Variants in GABRA2 observed in about 807,000 individuals in gnomAD.
GABRA2 encodes the protein gamma-aminobutyric acid receptor subunit alpha-2.
Under a neutral mutation model 48.7 loss-of-function variants are expected in GABRA2, and 16 were observed. The ratio of observed to expected loss-of-function variants is 0.33; its 90% CI spans 0.22 to 0.50. The LOEUF is 0.50. GABRA2 is among the 20% of genes least tolerant of loss of function. GABRA2 has a pLI of 0.98. For missense variants in GABRA2, 275 were observed against 535.6 expected (o/e 0.51, Z 4.80); for synonymous variants, 185 against 184.5 (o/e 1.00, Z -0.02).
At chr4:46,364,038 C>T (rs1713651252) in intron 3 of GABRA2, 1 of 152,152 alleles carries the variant, frequency 6.6e-6, no homozygotes. Flanking sequence ...AGTGTCACAT[C>T]AATGCCATAT....
At chr4:46,254,306 T>C (rs1715384878) in intron 9 of GABRA2, among the ~76,000 whole-genome samples, 1 of 151,574 alleles carries the variant, frequency 6.6e-6, no homozygotes, top group Non-Finnish European at 1.5e-5. Flanking sequence ...AATGTAACTT[T>C]TAGCTTACAC....
At chr4:46,305,541 G>C in intron 7 of GABRA2, 27 bp downstream of exon 7, 1 of 1,603,254 alleles carries the variant, frequency 6.2e-7, no homozygotes, top group African/African-American at 1.3e-5. Flanking sequence ...TTAGGCACCA[G>C]CTTTTTTAAA....
chr4:46,304,917 C>T (rs1181435874), intron 7 of GABRA2, among the ~76,000 whole-genome samples: 2 of 99,328 alleles, frequency 2.0e-5, no homozygotes, highest in Admixed American at 1.3e-4. Flanking sequence ...GAGCAAGACT[C>T]TGTCTCAAAA....
intron 8 of GABRA2, among the ~76,000 whole-genome samples, chr4:46,302,277 T>TCTCCA (rs1725883865): frequency 1.3e-5 from 2 of 151,986 alleles, no homozygotes; most frequent in African/African-American, 4.8e-5. Flanking sequence ...CCCAGACTGG[T>TCTCCA]CTCCAACTCC....
intron 4 of GABRA2, among the ~76,000 whole-genome samples, chr4:46,332,315 A>G (rs1731502952): frequency 6.6e-6 from 1 of 152,114 alleles, no homozygotes; most frequent in African/African-American, 2.4e-5. Flanking sequence ...ATTCTGCCTT[A>G]ATCCTCCTAG....
chr4:46,313,926 G>A (rs761451001), intron 4 of GABRA2, among the ~76,000 whole-genome samples: 16 of 152,006 alleles, frequency 1.1e-4, no homozygotes, highest in Non-Finnish European at 1.9e-4. Context: ...TGTACAAATC[G>A]GAATCAAATA....
intron 4 of GABRA2, among the ~76,000 whole-genome samples, chr4:46,314,920 G>A (rs1438993308): frequency 6.6e-6 from 1 of 152,046 alleles, no homozygotes; most frequent in East Asian, 1.9e-4. Flanking sequence ...CCATGTCTTT[G>A]CTATCGTGAA....
rs199705514 is a variant in GABRA2 at position 46,362,350 on chromosome 4, T to C, written c.187+23724A>G. On this transcript the variant is annotated intron_variant, in intron 3 of 9. Coordinates refer to ENST00000381620, the MANE Select transcript of GABRA2 (RefSeq NM_000807.4). The stretch of plus-strand genomic sequence containing the variant: ...GCCATCCATGTAAGATGTGACTTAA[T>C]CCTCCTTGTCTTCCACTATGATTAC... Among the ~76,000 whole-genome samples the C allele has an allele frequency of 4.6e-5, 7 of 152,266 alleles. No individual in the cohort carries two copies. In the East Asian group the frequency reaches 1.4e-3, roughly 29 times the overall value.
At chr4:46,289,912 T>TTATTTTTA (rs1560482683) in intron 8 of GABRA2, among the ~76,000 whole-genome samples, 9 of 143,798 alleles carry the variant, frequency 6.3e-5, no homozygotes, top group African/African-American at 2.4e-4. Flanking sequence ...TATTTATTTT[T>TTATTTTTA]ATTTTTTTTT....
intron 1 of GABRA2, 71 bp from the exon 2 acceptor site, chr4:46,388,787 C>T: frequency 6.2e-7 from 1 of 1,605,208 alleles, no homozygotes; most frequent in Non-Finnish European, 8.5e-7. Context: ...CCAAGTAACC[C>T]CAAAGAATAT....
chr4:46,288,350 G>C (rs1340110979), intron 8 of GABRA2, among the ~76,000 whole-genome samples: 1 of 152,164 alleles, frequency 6.6e-6, no homozygotes, highest in African/African-American at 2.4e-5. Context: ...AGCTTAAGGA[G>C]CTTTTGAGCT....
chr4:46,269,981 C>T (rs1200627702), intron 8 of GABRA2, among the ~76,000 whole-genome samples: 2 of 151,792 alleles, frequency 1.3e-5, no homozygotes, highest in African/African-American at 2.4e-5. Context: ...CTGATGGTTG[C>T]ACTAATACTG....
chr4:46,378,079 T>G (rs1716187264), intron 3 of GABRA2, among the ~76,000 whole-genome samples: 1 of 150,416 alleles, frequency 6.6e-6, no homozygotes, highest in African/African-American at 2.5e-5. Flanking sequence ...ATCAGGGAGG[T>G]GAGGGGCGCC....
chr4:46,271,754 T>C (rs1719377967), intron 8 of GABRA2, among the ~76,000 whole-genome samples: 1 of 151,934 alleles, frequency 6.6e-6, no homozygotes, highest in Non-Finnish European at 1.5e-5. Context: ...CCTAAATATA[T>C]CACGGATTTA....
intron 3 of GABRA2, among the ~76,000 whole-genome samples, chr4:46,341,660 T>G (rs1032633264): frequency 2.0e-5 from 3 of 152,094 alleles, no homozygotes; most frequent in Non-Finnish European, 2.9e-5. Context: ...TAACTCTGCC[T>G]AAGCCTTCAC....
At chr4:46,271,409 C>A (rs933053708) in intron 8 of GABRA2, among the ~76,000 whole-genome samples, 1 of 152,028 alleles carries the variant, frequency 6.6e-6, no homozygotes, top group African/African-American at 2.4e-5. Context: ...AGAATGTGCA[C>A]TCTCAGGTGC....
At chr4:46,369,877 A>G (rs1714618211) in intron 3 of GABRA2, among the ~76,000 whole-genome samples, 1 of 152,140 alleles carries the variant, frequency 6.6e-6, no homozygotes, top group South Asian at 2.1e-4. Context: ...TAAGGCTTCT[A>G]GAAGGTAGTG....
chr4:46,319,204 G>T (rs188610450), intron 4 of GABRA2, among the ~76,000 whole-genome samples: 8 of 151,668 alleles, frequency 5.3e-5, no homozygotes, highest in African/African-American at 1.9e-4. Flanking sequence ...ATTCTTTACT[G>T]CCTGACTACA....
Position 46,388,918 on chromosome 4 carries a change from G to GTTTCTTTCTTTCTTTT in GABRA2, c.-10-218_-10-203dup, listed in dbSNP as rs1386088169. ...CCCCACCCCCACCCTTTTCCTTTCT[G>GTTTCTTTCTTTCTTTT]TTTCTTTCTTTCTTTTTTTCTTTCT... On this transcript the variant is annotated intron_variant, in intron 1 of 9. Transcript: ENST00000381620. 7 of 1,275,830 alleles carry GTTTCTTTCTTTCTTTT rather than the reference G, an allele frequency of 5.5e-6. No individual in the cohort carries two copies. In the African/African-American group the frequency reaches 1.0e-4, roughly 19 times the overall value. The allele number at this position is 1,275,830 out of a possible 1,614,324, so 79.0% of individuals were successfully genotyped here.
Sources: gnomAD v4.1 joint callset for allele counts (sites outside exome capture counted in the v4.1 genomes callset) on GRCh38, gnomAD v4.1.1 for gene constraint, MANE v1.5 for transcripts, NCBI Gene and HGNC (gene_info 2026-07-23, HGNC 2026-07-21) for gene names.